Variants in CCDC191 observed in about 807,000 individuals in gnomAD.
The protein encoded by CCDC191 is coiled-coil domain-containing protein 191.
In CCDC191, 99 loss-of-function variants were observed where a neutral mutation model predicts 114.0. That is an observed-to-expected ratio of 0.87 (90% CI 0.74 to 1.03). The LOEUF is 1.03. Among genes scored for constraint, CCDC191 ranks in the 50% least tolerant of loss-of-function variants. The pLI is 0.00. For missense variants in CCDC191, 973 were observed against 1,087.0 expected, an observed-to-expected ratio of 0.90 and a Z score of 1.47; for synonymous variants, 351 against 376.0, an observed-to-expected ratio of 0.93 and a Z score of 0.77.
chr3:113,999,140 C>A (rs911954529), intron 13 of CCDC191, among the ~76,000 whole-genome samples: 2 of 152,068 alleles, frequency 1.3e-5, no homozygotes, highest in African/African-American at 4.8e-5. Context: ...GATTCAAGGG[C>A]CCAGGAATCA....
intron 7 of CCDC191, among the ~76,000 whole-genome samples, chr3:114,023,081 A>C (rs1370540313): frequency 1.3e-5 from 2 of 152,224 alleles, no homozygotes; most frequent in Non-Finnish European, 2.9e-5. Context: ...AGAGAGCCAA[A>C]TCATGAGTGA....
chr3:114,004,923 C>T (rs553953953), intron 10 of CCDC191, among the ~76,000 whole-genome samples, 177 bp from the exon 11 acceptor site: 4 of 152,266 alleles, frequency 2.6e-5, no homozygotes, highest in African/African-American at 7.2e-5. Flanking sequence ...GTTGTGTGAT[C>T]GGCATGAGTC....
At chr3:113,999,370 G>A (rs2075806340) in intron 13 of CCDC191, among the ~76,000 whole-genome samples, 1 of 152,140 alleles carries the variant, frequency 6.6e-6, no homozygotes, top group Non-Finnish European at 1.5e-5. Context: ...GGCAAAGAAG[G>A]GAGTTATGAG....
Position 113,973,596 on chromosome 3 carries a change from GT to G in CCDC191, c.2606+4589del, listed in dbSNP as rs61420341. On this transcript the variant is annotated intron_variant, in intron 16 of 16. Transcript: ENST00000295878. Reference sequence around the variant, plus strand: ...TGGATACAGTATTCTTGGATGGCAGGTTTTTTTTTTTTCTTTTTTCTTTCAG... The same window carrying G: ...TGGATACAGTATTCTTGGATGGCAGGTTTTTTTTTTTCTTTTTTCTTTCAG... Among the ~76,000 whole-genome samples the G allele has an allele frequency of 6.3e-4, 91 of 145,566 alleles. 1 individual carries two copies. The highest frequency in any genetic ancestry group is 1.6e-3 in the African/African-American group (62 of 39,770).
At chr3:114,003,221 TA>T in intron 11 of CCDC191, 1 of 985,406 alleles carries the variant, frequency 1.0e-6, no homozygotes, top group Non-Finnish European at 1.2e-6. Flanking sequence ...TATGACTCTA[TA>T]ATCAGTTGGG....
intron 7 of CCDC191, among the ~76,000 whole-genome samples, chr3:114,021,811 TG>T (rs1294241576): frequency 6.6e-6 from 1 of 152,208 alleles, no homozygotes; most frequent in Non-Finnish European, 1.5e-5. Context: ...ACAACTGGGT[TG>T]TTCTGTTTAA....
chr3:114,014,282 G>GTT (rs2076121674), intron 8 of CCDC191, among the ~76,000 whole-genome samples: 1 of 152,134 alleles, frequency 6.6e-6, no homozygotes, highest in Non-Finnish European at 1.5e-5. Context: ...GTTTTAAAAA[G>GTT]TTTTAAAGTT....
At chr3:113,990,688 G>C (rs1001263318) in intron 13 of CCDC191, among the ~76,000 whole-genome samples, 2 of 151,406 alleles carry the variant, frequency 1.3e-5, no homozygotes, top group Non-Finnish European at 2.9e-5. Context: ...AAACATTTTA[G>C]AGAGAAATAA....
chr3:114,055,716 G>A (rs2076764322), intron 1 of CCDC191, among the ~76,000 whole-genome samples: 1 of 152,200 alleles, frequency 6.6e-6, no homozygotes, highest in Non-Finnish European at 1.5e-5. Context: ...AGCACACGGT[G>A]CAACTGTGAC....
chr3:114,030,753 G>A (rs1157469791), intron 7 of CCDC191, among the ~76,000 whole-genome samples: 3 of 151,960 alleles, frequency 2.0e-5, no homozygotes, highest in Non-Finnish European at 4.4e-5. Flanking sequence ...TGATTTCCAG[G>A]ACCTTTGTAA....
At chr3:114,020,173 A>G (rs1383431249) in intron 7 of CCDC191, among the ~76,000 whole-genome samples, 2 of 152,162 alleles carry the variant, frequency 1.3e-5, no homozygotes, top group East Asian at 3.8e-4. Flanking sequence ...TCATTTCAGC[A>G]TTTGCTAAGC....
intron 8 of CCDC191, among the ~76,000 whole-genome samples, chr3:114,011,344 T>C (rs1192250345): frequency 2.0e-5 from 3 of 151,946 alleles, no homozygotes; most frequent in African/African-American, 7.3e-5. Flanking sequence ...AAAGAAGAGG[T>C]ACACAAGTAA....
chr3:114,047,962 G>A (rs1014141014), intron 2 of CCDC191, among the ~76,000 whole-genome samples: 9 of 152,050 alleles, frequency 5.9e-5, no homozygotes, highest in East Asian at 1.9e-4. Context: ...GTGACAGAGC[G>A]AGACTCTGTC....
At chr3:114,031,088 C>A (rs979784570) in intron 7 of CCDC191, among the ~76,000 whole-genome samples, 1 of 151,584 alleles carries the variant, frequency 6.6e-6, no homozygotes, top group Non-Finnish European at 1.5e-5. Context: ...TAAAAATCAG[C>A]AAGTAATTTT....
At chr3:114,009,843 T>C (rs1317889619) in intron 9 of CCDC191, among the ~76,000 whole-genome samples, 8 of 152,118 alleles carry the variant, frequency 5.3e-5, no homozygotes, top group African/African-American at 1.9e-4. Flanking sequence ...CAACTTAAAT[T>C]CCAGTAATAC....
chr3:113,995,913 C>T (rs775077678), intron 13 of CCDC191, among the ~76,000 whole-genome samples: 6 of 152,236 alleles, frequency 3.9e-5, no homozygotes, highest in South Asian at 2.1e-4. Flanking sequence ...TTTTTGGCTG[C>T]GTAAATGTCT....
chr3:113,969,279 ACTCT>A (rs1046076687), intron 16 of CCDC191, among the ~76,000 whole-genome samples: 6 of 151,370 alleles, frequency 4.0e-5, no homozygotes, highest in Admixed American at 1.3e-4. Flanking sequence ...GTTTGCAAAT[ACTCT>A]CTCTCTCTTT....
chr3:114,042,896 TC>T, intron 3 of CCDC191, 50 bp from the exon 4 acceptor site: 1 of 1,507,194 alleles, frequency 6.6e-7, no homozygotes, highest in Non-Finnish European at 9.0e-7. Flanking sequence ...TCAGAGATTT[TC>T]TTTATTCACT....
intron 5 of CCDC191, among the ~76,000 whole-genome samples, chr3:114,035,697 C>T (rs2076473290): frequency 1.3e-5 from 2 of 151,944 alleles, no homozygotes; most frequent in South Asian, 4.1e-4. Flanking sequence ...TTTTTTCAAA[C>T]CTATTAATCC....
Sources: allele counts gnomAD v4.1 joint callset (sites outside exome capture counted in the v4.1 genomes callset), GRCh38; gene constraint gnomAD v4.1.1; transcripts MANE v1.5; gene names NCBI Gene and HGNC (gene_info 2026-07-23, HGNC 2026-07-21).